Variants in LRP2 observed in about 807,000 individuals in gnomAD.
The protein encoded by LRP2 is low-density lipoprotein receptor-related protein 2.
Under a neutral mutation model 531.0 loss-of-function variants are expected in LRP2, and 172 were observed. That is an observed-to-expected ratio of 0.32 (90% CI 0.29 to 0.37). The LOEUF (loss-of-function observed/expected upper bound fraction) is 0.37, where lower values mean the gene tolerates loss of function less well. Among genes scored for constraint, LRP2 ranks in the 10% least tolerant of loss-of-function variants. The pLI, the probability that LRP2 is intolerant of heterozygous loss-of-function variation, is 1.00. For missense variants in LRP2, 5,167 were observed against 5,868.3 expected, an observed-to-expected ratio of 0.88 and a Z score of 3.90; for synonymous variants, 1,992 against 2,027.6, an observed-to-expected ratio of 0.98 and a Z score of 0.47.
At chr2:169,348,302 C>G (rs1286711276) in intron 1 of LRP2, among the ~76,000 whole-genome samples, 1 of 152,138 alleles carries the variant, frequency 6.6e-6, no homozygotes, top group Non-Finnish European at 1.5e-5. Flanking sequence ...ATGGAGTCCT[C>G]AAAAGAATGG....
At chr2:169,221,693 T>TACAC (rs369517316) in intron 33 of LRP2, among the ~76,000 whole-genome samples, 6 of 149,108 alleles carry the variant, frequency 4.0e-5, no homozygotes, top group East Asian at 2.0e-4. Context: ...CACGCACACA[T>TACAC]ACACACACAC....
At chr2:169,281,723 T>C (rs1683709705) in intron 10 of LRP2, among the ~76,000 whole-genome samples, 1 of 151,198 alleles carries the variant, frequency 6.6e-6, no homozygotes, top group South Asian at 2.1e-4. Flanking sequence ...TTCTCAAAAA[T>C]AAATAAATAA....
At chr2:169,309,627 C>G (rs1479305326) in intron 3 of LRP2, among the ~76,000 whole-genome samples, 2 of 152,114 alleles carry the variant, frequency 1.3e-5, no homozygotes, top group Non-Finnish European at 2.9e-5. Context: ...GTTACTGTAG[C>G]CTTGTAGTAT....
At chr2:169,318,662 A>G (rs757418098) in intron 3 of LRP2, 100 bp downstream of exon 3, 151 of 1,544,330 alleles carry the variant, frequency 9.8e-5, no homozygotes, top group Non-Finnish European at 1.3e-4. Flanking sequence ...GCCCTGCTCC[A>G]CATTTATAAA....
chr2:169,300,529 C>T (rs116763694), intron 4 of LRP2, among the ~76,000 whole-genome samples: 1,875 of 152,014 alleles, frequency 0.012, 51 homozygotes, highest in African/African-American at 0.043. Context: ...CAGCCATTAA[C>T]GTTAATGCTA....
At chr2:169,310,372 C>A (rs1305484202) in intron 3 of LRP2, among the ~76,000 whole-genome samples, 1 of 152,120 alleles carries the variant, frequency 6.6e-6, no homozygotes, top group Non-Finnish European at 1.5e-5. Context: ...TGAGATACGT[C>A]CCATTGATAC....
intron 41 of LRP2, 80 bp downstream of exon 41, chr2:169,205,399 A>G: frequency 6.8e-7 from 1 of 1,478,084 alleles, no homozygotes; most frequent in Non-Finnish European, 9.5e-7. Context: ...TATTTTCATC[A>G]CATGATGCAA....
At chr2:169,130,966 C>T (rs1685265028) in intron 77 of LRP2, among the ~76,000 whole-genome samples, 1 of 152,182 alleles carries the variant, frequency 6.6e-6, no homozygotes, top group Admixed American at 6.5e-5. Context: ...ACCACAGTCC[C>T]CTTCCTGCAC....
chr2:169,272,296 G>A (rs915410630), intron 15 of LRP2, among the ~76,000 whole-genome samples: 2 of 152,038 alleles, frequency 1.3e-5, no homozygotes, highest in African/African-American at 4.8e-5. Context: ...AAACCAAAGA[G>A]GAAGAAAGGA....
chr2:169,357,185 C>T (rs1372362485), intron 1 of LRP2, among the ~76,000 whole-genome samples: 1 of 151,704 alleles, frequency 6.6e-6, no homozygotes, highest in Admixed American at 6.6e-5. Flanking sequence ...TTTTTAGTTG[C>T]TCTAGATTCG....
At chr2:169,143,983 T>A (rs572700655) in intron 70 of LRP2, among the ~76,000 whole-genome samples, 1 of 152,170 alleles carries the variant, frequency 6.6e-6, no homozygotes, top group African/African-American at 2.4e-5. Context: ...CCCTCCAGAG[T>A]GGAGATTTTC....
intron 1 of LRP2, among the ~76,000 whole-genome samples, chr2:169,328,441 T>TAAAAAAAAAAAGAA (rs1685176519): frequency 2.0e-5 from 1 of 49,104 alleles, no homozygotes; most frequent in Non-Finnish European, 4.0e-5. Context: ...CGGGCCGGGA[T>TAAAAAAAAAAAGAA]AAAAAAAAAA....
intron 15 of LRP2, among the ~76,000 whole-genome samples, chr2:169,272,529 T>C (rs1014587641): frequency 6.6e-6 from 1 of 152,098 alleles, no homozygotes; most frequent in African/African-American, 2.4e-5. Context: ...AGAAGTACAG[T>C]ACTTCCCATC....
At chr2:169,135,315 C>T (rs1685460436) in intron 76 of LRP2, among the ~76,000 whole-genome samples, 2 of 152,144 alleles carry the variant, frequency 1.3e-5, no homozygotes, top group Non-Finnish European at 2.9e-5. Context: ...GGCAAATTGA[C>T]TTTACTCACA....
intron 47 of LRP2, 80 bp from the exon 48 acceptor site, chr2:169,192,113 C>T (rs1005735329): frequency 1.2e-5 from 13 of 1,071,314 alleles, no homozygotes; most frequent in Non-Finnish European, 1.6e-5. Context: ...ATGTTACTTA[C>T]CATTCTAAGT....
chr2:169,241,645 C>T lies in LRP2; in HGVS notation c.3668-280G>A, dbSNP rs370718773. 2.6e-3 allele frequency among the ~76,000 whole-genome samples: 397 copies of T among 152,190 alleles called. 21 individuals carry two copies. In the South Asian group the frequency reaches 0.069, roughly 27 times the overall value. On this transcript the variant is annotated intron_variant, in intron 24 of 78. Coordinates refer to ENST00000649046, the MANE Select transcript of LRP2 (RefSeq NM_004525.3). ...CCTGTGTCAAAAGAACATCCTGTTT[C>T]CTTTTCCTGTGTTTTTAATGTACTT...
At chr2:169,245,249 A>G (rs1445696066) in intron 21 of LRP2, among the ~76,000 whole-genome samples, 2 of 152,214 alleles carry the variant, frequency 1.3e-5, no homozygotes, top group East Asian at 3.8e-4. Flanking sequence ...TCTTTGAGAG[A>G]TTTAGGAACC....
At position 169,156,325 on chromosome 2, in the gene LRP2, C is replaced by A; in HGVS notation, c.12100G>T (p.Asp4034Tyr). Reference protein sequence around the residue: ...TKGSYECVCADGFTSMSDRPG... With the variant: ...TKGSYECVCAYGFTSMSDRPG... ...CGGTCACTCATAGACGTGAAGCCATCAGCACAGACACACTCATAACTTCCT... is the reference window on the plus strand; with the variant it reads ...CGGTCACTCATAGACGTGAAGCCATAAGCACAGACACACTCATAACTTCCT... The change falls in exon 65 of 79, where the codon GAT becomes TAT. Residue 4034 changes from aspartate to tyrosine, a missense_variant. Around this residue, in one of 6 missense-constraint regions of LRP2, gnomAD observed 564 missense variants for 747.7 expected, o/e 0.75. Transcript: ENST00000649046. The A allele has an allele frequency of 6.2e-7, 1 of 1,613,736 alleles. No homozygotes were observed. Among genetic ancestry groups the A allele is most frequent in the Non-Finnish European group, 8.5e-7 (1 of 1,179,716 alleles).
Position 169,209,549 on chromosome 2 carries a change from G to C in LRP2, c.6373C>G (p.Arg2125Gly). 6.2e-7 allele frequency: 1 copy of C among 1,614,000 alleles called. No homozygotes were observed. The highest frequency in any genetic ancestry group is 8.5e-7 in the Non-Finnish European group (1 of 1,179,958). The change falls in exon 38 of 79, where the codon CGT (arginine) becomes GGT (glycine). Residue 2125 changes from arginine (R) to glycine (G), a missense_variant. By Grantham distance (125) the Arg-to-Gly change is moderately radical. This residue lies in a region of LRP2 where 2,811 missense variants were observed against 3,058.0 expected (regional missense o/e 0.92). Coordinates refer to ENST00000649046, the MANE Select transcript of LRP2 (RefSeq NM_004525.3). ...GAAGATCCATCTGGTTTAATTCTAC[G>C]GATCGCATTATCAGATGCCACTGAG... ...SSSVASDNAI[R>G]RIKPDGSSLM...
Sources: allele counts gnomAD v4.1 joint callset (sites outside exome capture counted in the v4.1 genomes callset), GRCh38; gene constraint gnomAD v4.1.1; regional missense constraint gnomAD v4.1.1; transcripts MANE v1.5; gene names NCBI Gene and HGNC (gene_info 2026-07-23, HGNC 2026-07-21).